The following TDRD5 variants were observed in gnomAD, a reference collection of about 807,000 sequenced individuals.
The protein encoded by TDRD5 is tudor domain-containing protein 5.
TDRD5 carries 41 observed loss-of-function variants against 120.6 expected under a neutral mutation model. The ratio of observed to expected loss-of-function variants is 0.34; its 90% CI spans 0.26 to 0.44. TDRD5 has a LOEUF of 0.44. Ranked by LOEUF, TDRD5 falls within the 20% of genes least tolerant of loss-of-function variation. TDRD5 has a pLI of 1.00. For synonymous variants in TDRD5, 430 were observed against 433.7 expected, an observed-to-expected ratio of 0.99 and a Z score of 0.11; for missense variants, 1,006 against 1,221.2, an observed-to-expected ratio of 0.82 and a Z score of 2.63.
chr1:179,691,204 G>T lies in TDRD5; in HGVS notation c.*261G>T. ...CCTTTGTTTTTAATGTAGTTTAAAG[G>T]AATTTGTTTTTTTGTGTTTGTTTTT... is the stretch of plus-strand genomic sequence containing the variant. On this transcript the variant is annotated 3_prime_UTR_variant, in exon 18 of 18. Coordinates refer to ENST00000444136, the MANE Select transcript of TDRD5 (RefSeq NM_001199085.3). The T allele has an allele frequency of 3.1e-6, 1 of 322,930 alleles. No individual in the cohort carries two copies. The highest frequency in any genetic ancestry group is 6.8e-5 in the East Asian group (1 of 14,640). 20.0% of individuals were successfully genotyped at this position (322,930 alleles called of 1,614,324 possible). A position where few individuals can be genotyped will look rare whatever the true frequency, so the allele number is the denominator to read the frequency against.
intron 17 of TDRD5, among the ~76,000 whole-genome samples, chr1:179,689,186 A>T (rs1680956051): frequency 6.6e-6 from 1 of 152,112 alleles, no homozygotes; most frequent in African/African-American, 2.4e-5. Context: ...TTGTAGTTTT[A>T]TCTACCTTTG....
intron 15 of TDRD5, 80 bp from the exon 16 acceptor site, chr1:179,663,268 A>T (rs887101761): frequency 2.7e-6 from 4 of 1,474,076 alleles, no homozygotes; most frequent in East Asian, 4.6e-5. Flanking sequence ...GCTTTCTTGC[A>T]TTTATCTTGC....
At chr1:179,658,981 A>G (rs1328451190) in intron 14 of TDRD5, among the ~76,000 whole-genome samples, 3 of 152,098 alleles carry the variant, frequency 2.0e-5, no homozygotes, top group African/African-American at 7.2e-5. Flanking sequence ...CAAATATTTT[A>G]TAGTTTATTT....
chr1:179,592,468 A>G (rs1356891661), intron 1 of TDRD5, 134 bp from the exon 2 acceptor site: 4 of 668,050 alleles, frequency 6.0e-6, no homozygotes, highest in African/African-American at 3.6e-5. Context: ...GCCGCAGGGC[A>G]CCCTCATACT....
At chr1:179,673,485 C>T (rs958415326) in intron 17 of TDRD5, among the ~76,000 whole-genome samples, 4 of 152,084 alleles carry the variant, frequency 2.6e-5, no homozygotes, top group African/African-American at 9.7e-5. Flanking sequence ...ATGACATGTG[C>T]CCAAGGTGGT....
chr1:179,632,141 C>T (rs938844912), intron 7 of TDRD5, among the ~76,000 whole-genome samples: 4 of 151,802 alleles, frequency 2.6e-5, no homozygotes, highest in Admixed American at 6.6e-5. Context: ...CTCCTGACCT[C>T]GTGATCCACC....
chr1:179,663,613 GCTGTTA>G (rs1679424045), intron 16 of TDRD5, 122 bp downstream of exon 16: 1 of 1,316,318 alleles, frequency 7.6e-7, no homozygotes, highest in Non-Finnish European at 1.0e-6. Context: ...GCTTGCTGTA[GCTGTTA>G]CTGTTGATGA....
chr1:179,646,342 A>G lies in TDRD5; in HGVS notation c.1801-4525A>G, dbSNP rs545678410. ...CAAGAAATTGCATAAAATAATGTCA[A>G]TTTACAAAAACCACATGATTATCTC... On this transcript the variant is annotated intron_variant, in intron 11 of 17. Coordinates refer to ENST00000444136, the MANE Select transcript of TDRD5 (RefSeq NM_001199085.3). Among the ~76,000 whole-genome samples, 12 of 152,326 alleles carry G rather than the reference A, an allele frequency of 7.9e-5. No homozygotes were observed. The East Asian group carries it at 1.7e-3, about 22-fold the overall frequency.
intron 16 of TDRD5, among the ~76,000 whole-genome samples, chr1:179,664,435 A>C (rs954977922): frequency 1.3e-5 from 2 of 152,130 alleles, no homozygotes. Context: ...ACGCTCTCAA[A>C]AAAAACCACC....
intron 17 of TDRD5, 101 bp from the exon 18 acceptor site, chr1:179,690,595 A>C (rs913682733): frequency 6.7e-7 from 1 of 1,483,974 alleles, no homozygotes; most frequent in Non-Finnish European, 9.0e-7. Context: ...CCTAACAGAA[A>C]ATGATTGTAA....
chr1:179,596,479 T>A (rs1675396507), intron 4 of TDRD5, among the ~76,000 whole-genome samples: 1 of 152,218 alleles, frequency 6.6e-6, no homozygotes. Context: ...TCATGCCACT[T>A]TGTAGTTTCT....
intron 6 of TDRD5, among the ~76,000 whole-genome samples, chr1:179,629,105 A>G (rs1677296736): frequency 6.6e-6 from 1 of 152,188 alleles, no homozygotes; most frequent in Non-Finnish European, 1.5e-5. Context: ...GTCAAGTCAA[A>G]GTGATTGAGA....
chr1:179,630,617 T>G, intron 6 of TDRD5, 150 bp from the exon 7 acceptor site: 1 of 706,040 alleles, frequency 1.4e-6, no homozygotes, highest in Non-Finnish European at 2.2e-6. Flanking sequence ...ACTTGGTTTG[T>G]TTTATGCTGG....
intron 4 of TDRD5, among the ~76,000 whole-genome samples, chr1:179,611,191 A>G (rs1676256466): frequency 6.6e-6 from 1 of 151,978 alleles, no homozygotes; most frequent in African/African-American, 2.4e-5. Context: ...AGCTGGAATT[A>G]CAGGGGTTGC....
chr1:179,659,976 A>T (rs189008078), intron 14 of TDRD5, among the ~76,000 whole-genome samples: 2 of 152,108 alleles, frequency 1.3e-5, no homozygotes, highest in Admixed American at 1.3e-4. Context: ...GATTACAGGC[A>T]TGAGCCACTG....
At position 179,630,873 on chromosome 1, in the gene TDRD5, A is replaced by G. The variant is rs1400712467; in HGVS notation, c.1079A>G (p.His360Arg). 1.9e-6 allele frequency: 3 copies of G among 1,613,994 alleles called. No homozygotes were observed. In the South Asian group the frequency reaches 3.3e-5, roughly 18 times the overall value. ...DILHVEFRKGHQDLLVFDADK... is the reference protein window; with the variant it reads ...DILHVEFRKGRQDLLVFDADK... ...CTCCATGTTGAGTTCAGGAAAGGAC[A>G]CCAAGACTTACTAGTGTTTGATGCG... Residue 360 changes from histidine (H) to arginine (R), a missense_variant, in exon 7 of 18, where the codon CAC becomes CGC. His to Arg is a conservative substitution (Grantham distance 29). This residue lies in a region of TDRD5 where 445 missense variants were observed against 515.5 expected (regional missense o/e 0.86). Transcript: ENST00000444136.
intron 4 of TDRD5, among the ~76,000 whole-genome samples, chr1:179,598,863 C>T (rs1392525915): frequency 6.6e-6 from 1 of 151,996 alleles, no homozygotes; most frequent in East Asian, 1.9e-4. Flanking sequence ...TCTGCCTTTC[C>T]TCCAACCCTT....
chr1:179,668,566 C>T (rs534150447), intron 16 of TDRD5, among the ~76,000 whole-genome samples: 115 of 152,266 alleles, frequency 7.6e-4, no homozygotes, highest in African/African-American at 2.7e-3. Context: ...GTGCCCGACA[C>T]GGGGTGCTCA....
At chr1:179,600,314 T>C (rs1158674586) in intron 4 of TDRD5, among the ~76,000 whole-genome samples, 1 of 152,224 alleles carries the variant, frequency 6.6e-6, no homozygotes, top group African/African-American at 2.4e-5. Context: ...TTTTATCTTT[T>C]ATACTGTATT....
Sources: allele counts gnomAD v4.1 joint callset (sites outside exome capture counted in the v4.1 genomes callset), GRCh38; gene constraint gnomAD v4.1.1; regional missense constraint gnomAD v4.1.1; transcripts MANE v1.5; gene names NCBI Gene and HGNC (gene_info 2026-07-23, HGNC 2026-07-21).